CAB39L: variants seen among roughly 807,000 people sequenced by gnomAD.
CAB39L encodes the protein calcium-binding protein 39-like.
In CAB39L, 23 loss-of-function variants were observed where a neutral mutation model predicts 39.1. The ratio of observed to expected loss-of-function variants is 0.59; its 90% CI spans 0.42 to 0.83. CAB39L has a LOEUF of 0.83. Ranked by LOEUF, CAB39L falls within the 40% of genes least tolerant of loss-of-function variation. CAB39L has a pLI of 0.00. For synonymous variants in CAB39L, 126 were observed against 137.2 expected, an observed-to-expected ratio of 0.92 and a Z score of 0.57; for missense variants, 366 against 391.9, an observed-to-expected ratio of 0.93 and a Z score of 0.56.
chr13:49,443,828 T>C (rs974960694), intron 1 of CAB39L, among the ~76,000 whole-genome samples, 158 bp downstream of exon 1: 1 of 152,160 alleles, frequency 6.6e-6, no homozygotes, highest in Non-Finnish European at 1.5e-5. Context: ...AAACCCATCC[T>C]TTCCGCAAGT....
chr13:49,375,894 G>C (rs1956047064), intron 5 of CAB39L, among the ~76,000 whole-genome samples: 1 of 152,148 alleles, frequency 6.6e-6, no homozygotes, highest in East Asian at 1.9e-4. Context: ...GAAAAAGACA[G>C]CTGTAACTGA....
chr13:49,406,531 C>A (rs1467119685), intron 3 of CAB39L, among the ~76,000 whole-genome samples: 1 of 151,448 alleles, frequency 6.6e-6, no homozygotes, highest in African/African-American at 2.4e-5. Context: ...GATTGGATAC[C>A]CTATTTACCC....
intron 10 of CAB39L, among the ~76,000 whole-genome samples, chr13:49,325,205 A>C (rs935779284): frequency 6.6e-6 from 1 of 152,238 alleles, no homozygotes; most frequent in African/African-American, 2.4e-5. Context: ...GGCCTTAATT[A>C]TGACTTTCCA....
chr13:49,403,603 AAAGAT>A (rs1383302304), intron 3 of CAB39L, among the ~76,000 whole-genome samples: 1 of 152,158 alleles, frequency 6.6e-6, no homozygotes, highest in African/African-American at 2.4e-5. Flanking sequence ...AAGGTATTAG[AAAGAT>A]AAGAATGTTA....
intron 5 of CAB39L, among the ~76,000 whole-genome samples, chr13:49,366,691 C>T (rs940021546): frequency 2.0e-5 from 3 of 151,264 alleles, no homozygotes; most frequent in Non-Finnish European, 2.9e-5. Context: ...CCCAACCCCC[C>T]ATCAAAGCCC....
At chr13:49,320,409 A>C (rs572964945) in intron 10 of CAB39L, among the ~76,000 whole-genome samples, 1 of 152,318 alleles carries the variant, frequency 6.6e-6, no homozygotes, top group African/African-American at 2.4e-5. Context: ...TGGAGTTCTC[A>C]GGCGTGGTGA....
chr13:49,326,648 C>T (rs1954509625), intron 10 of CAB39L, among the ~76,000 whole-genome samples: 12 of 152,252 alleles, frequency 7.9e-5, no homozygotes, highest in Admixed American at 6.5e-4. Context: ...ATATTTTTGG[C>T]AAGTAAACAA....
intron 3 of CAB39L, among the ~76,000 whole-genome samples, chr13:49,399,239 A>G (rs1242289438): frequency 2.0e-5 from 3 of 152,016 alleles, no homozygotes; most frequent in Non-Finnish European, 2.9e-5. Context: ...TACAAACTCA[A>G]TGGCCAGAAA....
intron 10 of CAB39L, among the ~76,000 whole-genome samples, chr13:49,322,141 G>A (rs928477825): frequency 6.6e-6 from 1 of 151,848 alleles, no homozygotes; most frequent in African/African-American, 2.4e-5. Flanking sequence ...GCAGTCGCCC[G>A]CCCCCTCCGC....
chr13:49,334,244 A>G (rs1171805817), intron 9 of CAB39L, among the ~76,000 whole-genome samples: 1 of 152,218 alleles, frequency 6.6e-6, no homozygotes, highest in African/African-American at 2.4e-5. Flanking sequence ...ATTTTGTCAA[A>G]GAAATCTTCC....
At chr13:49,409,445 T>C (rs576278869) in intron 3 of CAB39L, among the ~76,000 whole-genome samples, 1 of 121,148 alleles carries the variant, frequency 8.3e-6, no homozygotes, top group Admixed American at 8.0e-5. Flanking sequence ...GGTTTTTGTT[T>C]GCTTTAAAAA....
chr13:49,415,114 T>G (rs1957060152), intron 3 of CAB39L, among the ~76,000 whole-genome samples: 1 of 152,028 alleles, frequency 6.6e-6, no homozygotes, highest in Non-Finnish European at 1.5e-5. Context: ...GGAGAATCAC[T>G]GAAGCCTGGG....
chr13:49,375,921 C>A (rs1956047722), intron 5 of CAB39L, among the ~76,000 whole-genome samples: 1 of 152,168 alleles, frequency 6.6e-6, no homozygotes, highest in Admixed American at 6.5e-5. Flanking sequence ...GAGCTGAAGT[C>A]TGGGCCCTTC....
intron 4 of CAB39L, among the ~76,000 whole-genome samples, chr13:49,378,525 C>G: frequency 1.5e-5 from 1 of 66,752 alleles, no homozygotes; most frequent in East Asian, 2.8e-4. Context: ...CCACCCCGTC[C>G]GGGAGGGAGA....
At chr13:49,359,592 T>C (rs542348896) in intron 6 of CAB39L, 122 bp downstream of exon 6, 2 of 571,228 alleles carry the variant, frequency 3.5e-6, no homozygotes, top group African/African-American at 1.9e-5. Flanking sequence ...ACCTCACACA[T>C]GACAAATACC....
At chr13:49,419,852 T>C (rs1957145336) in intron 3 of CAB39L, among the ~76,000 whole-genome samples, 1 of 152,080 alleles carries the variant, frequency 6.6e-6, no homozygotes, top group Admixed American at 6.6e-5. Flanking sequence ...TTATTCCATA[T>C]CATATAGAAG....
chr13:49,427,214 C>T (rs1957257476), intron 3 of CAB39L, among the ~76,000 whole-genome samples: 1 of 152,144 alleles, frequency 6.6e-6, no homozygotes, highest in Non-Finnish European at 1.5e-5. Flanking sequence ...GATCCCCTTT[C>T]CTCCAGTTTC....
chr13:49,396,435 G>A (rs563105885), intron 3 of CAB39L, among the ~76,000 whole-genome samples: 29 of 152,162 alleles, frequency 1.9e-4, no homozygotes, highest in Non-Finnish European at 3.2e-4. Context: ...AGGGCCAGGC[G>A]CGGTGGCTCA....
At chr13:49,351,115 C>A in intron 6 of CAB39L, 2 of 358,234 alleles carry the variant, frequency 5.6e-6, no homozygotes, top group Non-Finnish European at 9.9e-6. Flanking sequence ...TTCTGAAACA[C>A]TTAGATATAC....
Sources: allele counts gnomAD v4.1 joint callset (sites outside exome capture counted in the v4.1 genomes callset), GRCh38; gene constraint gnomAD v4.1.1; transcripts MANE v1.5; gene names NCBI Gene and HGNC (gene_info 2026-07-23, HGNC 2026-07-21).